Variants in AGGF1 observed in about 807,000 individuals in gnomAD.
AGGF1 encodes angiogenic factor with G patch and FHA domains 1.
AGGF1 carries 56 observed loss-of-function variants against 86.5 expected under a neutral mutation model. That is an observed-to-expected ratio of 0.65 (90% CI 0.52 to 0.81). AGGF1 has a LOEUF of 0.81. Ranked by LOEUF, AGGF1 falls within the 30% of genes least tolerant of loss-of-function variation. The probability of loss-of-function intolerance (pLI) is 0.00; values close to 1 mark genes in which losing one functional copy is unlikely to be tolerated. For synonymous variants in AGGF1, 313 were observed against 297.1 expected (o/e 1.05, Z -0.55); for missense variants, 816 against 850.9 (o/e 0.96, Z 0.51).
intron 4 of AGGF1, among the ~76,000 whole-genome samples, chr5:77,038,732 T>C (rs1439147979): frequency 6.6e-6 from 1 of 152,172 alleles, no homozygotes; most frequent in African/African-American, 2.4e-5. Context: ...TCTCAGTACA[T>C]TAAAGATGTT....
chr5:77,059,306 AT>A (rs1363868619), intron 11 of AGGF1, among the ~76,000 whole-genome samples: 6 of 152,226 alleles, frequency 3.9e-5, no homozygotes, highest in Non-Finnish European at 8.8e-5. Context: ...TAAAAGTAGC[AT>A]ATCTAATATG....
At chr5:77,046,763 G>T (rs1009060621) in intron 6 of AGGF1, 86 bp downstream of exon 6, 9 of 1,243,714 alleles carry the variant, frequency 7.2e-6, no homozygotes, top group African/African-American at 3.0e-5. Flanking sequence ...GTGAGTTGTA[G>T]TATATCTGCC....
intron 1 of AGGF1, among the ~76,000 whole-genome samples, chr5:77,031,184 G>T (rs1397082747): frequency 1.3e-5 from 2 of 152,230 alleles, no homozygotes; most frequent in African/African-American, 4.8e-5. Flanking sequence ...AATGTCTCGC[G>T]GCTGGCGTGA....
At chr5:77,032,295 C>T (rs1265047380) in intron 1 of AGGF1, among the ~76,000 whole-genome samples, 1 of 145,698 alleles carries the variant, frequency 6.9e-6, no homozygotes, top group African/African-American at 2.5e-5. Flanking sequence ...TGGCTGGGCG[C>T]GGTGGCTCAC....
intron 11 of AGGF1, 95 bp downstream of exon 11, chr5:77,055,691 T>C: frequency 1.2e-6 from 1 of 818,660 alleles, no homozygotes; most frequent in South Asian, 1.7e-5. Context: ...TATATATAAA[T>C]AGTTGTGTAG....
chr5:77,063,571 T>G lies in AGGF1; in HGVS notation c.*319T>G. On this transcript the variant is annotated 3_prime_UTR_variant, in exon 14 of 14. Coordinates refer to ENST00000312916, the MANE Select transcript of AGGF1 (RefSeq NM_018046.5). ...TAAGCAAAATTCATAGAACTACTAA[T>G]GACTTAAGTGTACATCTGTTCTTGT... is the stretch of plus-strand genomic sequence containing the variant. 1 of 330,664 alleles carries G rather than the reference T, an allele frequency of 3.0e-6. No individual in the cohort carries two copies. The highest frequency in any genetic ancestry group is 5.7e-6 in the Non-Finnish European group (1 of 175,528). The allele number at this position is 330,664 out of a possible 1,614,324, so 20.5% of individuals were successfully genotyped here. A position where few individuals can be genotyped will look rare whatever the true frequency, so the allele number is the denominator to read the frequency against.
At position 77,046,498 on chromosome 5, in the gene AGGF1, C is replaced by T. The variant is rs147788389; in HGVS notation, c.1022C>T (p.Thr341Ile). 2 of 1,614,028 alleles carry T rather than the reference C, an allele frequency of 1.2e-6. No individual in the cohort carries two copies. Among genetic ancestry groups the T allele is most frequent in the African/African-American group, 1.3e-5 (1 of 75,030 alleles). The change falls in exon 6 of 14, where the codon ACT becomes ATT. Residue 341 changes from threonine to isoleucine, a missense_variant. Transcript: ENST00000312916. ...GTCACTGTTCCAACTAGTGGAAATACTATAGAGTCTCCTCTTCATGAAAAC... is the reference window on the plus strand; with the variant it reads ...GTCACTGTTCCAACTAGTGGAAATATTATAGAGTCTCCTCTTCATGAAAAC... ...PKVTVPTSGN[T>I]IESPLHENIS...
chr5:77,056,377 C>T (rs986980287), intron 11 of AGGF1, among the ~76,000 whole-genome samples: 4 of 151,438 alleles, frequency 2.6e-5, no homozygotes, highest in Non-Finnish European at 4.4e-5. Context: ...TGCAGGGGCC[C>T]GCCACCACGC....
intron 4 of AGGF1, 100 bp downstream of exon 4, chr5:77,036,820 T>C: frequency 7.6e-7 from 1 of 1,313,570 alleles, no homozygotes. Flanking sequence ...TCACTGCAAC[T>C]TTCACCCCCC....
chr5:77,045,853 G>T (rs1747237743), intron 5 of AGGF1, among the ~76,000 whole-genome samples: 1 of 152,304 alleles, frequency 6.6e-6, no homozygotes, highest in Non-Finnish European at 1.5e-5. Context: ...GCTGTTAAGT[G>T]TAAAATACAC....
At chr5:77,060,648 T>C (rs1056680203) in intron 12 of AGGF1, among the ~76,000 whole-genome samples, 1 of 152,194 alleles carries the variant, frequency 6.6e-6, no homozygotes, top group African/African-American at 2.4e-5. Flanking sequence ...TTATAAAGTT[T>C]TGATTCAATA....
rs183376569 is a variant in AGGF1, at chr5:77,049,480, A to G, written c.1365+493A>G. Among the ~76,000 whole-genome samples the G allele has an allele frequency of 1.0e-3, 158 of 152,136 alleles. 1 individual carries two copies. Among genetic ancestry groups the G allele is most frequent in the Middle Eastern group, 6.8e-3 (2 of 294 alleles). ...GAGTTTTCAAAACAAATAGAACAGA[A>G]TTGCAACTCAAGTTATAAGTAGAAA... is the stretch of plus-strand genomic sequence containing the variant. On this transcript the variant is annotated intron_variant, in intron 8 of 13. Coordinates refer to ENST00000312916, the MANE Select transcript of AGGF1 (RefSeq NM_018046.5).
chr5:77,042,509 C>T (rs1286198101), intron 5 of AGGF1, among the ~76,000 whole-genome samples: 7 of 83,052 alleles, frequency 8.4e-5, no homozygotes, highest in African/African-American at 7.1e-5. Context: ...CCCCACCTCC[C>T]TCCCGGACGG....
chr5:77,036,972 G>A (rs1012906972), intron 4 of AGGF1, among the ~76,000 whole-genome samples: 9 of 152,232 alleles, frequency 5.9e-5, no homozygotes, highest in African/African-American at 2.2e-4. Context: ...TTACATCTCA[G>A]ACCTTTTAAT....
At chr5:77,062,818 A>G (rs543797627) in intron 13 of AGGF1, among the ~76,000 whole-genome samples, 1 of 152,268 alleles carries the variant, frequency 6.6e-6, no homozygotes, top group Admixed American at 6.5e-5. Context: ...GGAGCACTCT[A>G]TTTTCTGTAA....
chr5:77,043,489 A>AC (rs1262175757), intron 5 of AGGF1, among the ~76,000 whole-genome samples: 36 of 99,430 alleles, frequency 3.6e-4, no homozygotes, highest in East Asian at 3.5e-3. Flanking sequence ...CGGAGGGCTG[A>AC]CCCCCCCACC....
At position 77,063,195 on chromosome 5, in the gene AGGF1, T is replaced by C. The variant is rs779618833; in HGVS notation, c.2088T>C (p.Thr696=). The C allele has an allele frequency of 6.2e-7, 1 of 1,613,892 alleles. No individual in the cohort carries two copies. Among genetic ancestry groups the C allele is most frequent in the Non-Finnish European group, 8.5e-7 (1 of 1,179,882 alleles). Residue 696 remains threonine, a synonymous_variant, in exon 14 of 14, where the codon ACT becomes ACC. Transcript: ENST00000312916. Reference sequence around the variant, plus strand: ...GGTTTACTGAAAACTTCCCAGAAACTAAGCCTCAAAAAGATGACCCAGGGA... The same window carrying C: ...GGTTTACTGAAAACTTCCCAGAAACCAAGCCTCAAAAAGATGACCCAGGGA... ...RERFTENFPE[T]KPQKDDPGTM...
rs547997155 is a variant in AGGF1 at position 77,057,925 on chromosome 5, A to G, written c.1717-1691A>G. On this transcript the variant is annotated intron_variant, in intron 11 of 13. Transcript: ENST00000312916. ...TTCTGGTTGGTGTTGAGAACTACAA[A>G]CAAGAAAGTGGGAAGAACTGTTCTG... Among the ~76,000 whole-genome samples, 5 of 152,320 alleles carry G rather than the reference A, an allele frequency of 3.3e-5. No homozygotes were observed. In the East Asian group the frequency reaches 9.7e-4, roughly 29 times the overall value.
intron 5 of AGGF1, among the ~76,000 whole-genome samples, chr5:77,041,586 A>AAG (rs1554046284): frequency 1.2e-4 from 18 of 147,912 alleles, no homozygotes; most frequent in African/African-American, 3.7e-4. Context: ...AAAAAAAAAA[A>AAG]GAAGAAGGCT....
Sources: allele counts gnomAD v4.1 joint callset (sites outside exome capture counted in the v4.1 genomes callset), GRCh38; gene constraint gnomAD v4.1.1; transcripts MANE v1.5; gene names NCBI Gene and HGNC (gene_info 2026-07-23, HGNC 2026-07-21).